The following TAFA5 variants were observed in gnomAD, a reference collection of about 807,000 sequenced individuals.
TAFA5 encodes the protein TAFA chemokine like family member 5.
In TAFA5, 6 loss-of-function variants were observed where a neutral mutation model predicts 15.3. The observed-to-expected ratio is 0.39, with a 90% CI of 0.21 to 0.77. The LOEUF is 0.77. Among genes scored for constraint, TAFA5 ranks in the 30% least tolerant of loss-of-function variants. The pLI is 0.41. For missense variants in TAFA5, 161 were observed against 193.1 expected (o/e 0.83, Z 0.98); for synonymous variants, 103 against 80.7 (o/e 1.28, Z -1.48).
chr22:48,748,169 G>A (rs1038923851), intron 3 of TAFA5, among the ~76,000 whole-genome samples: 8 of 152,230 alleles, frequency 5.3e-5, no homozygotes, highest in Non-Finnish European at 8.8e-5. Flanking sequence ...CGCAGGTGAA[G>A]CAGGCAGCTA....
At chr22:48,575,953 C>T (rs1923766428) in intron 1 of TAFA5, among the ~76,000 whole-genome samples, 1 of 132,454 alleles carries the variant, frequency 7.5e-6, no homozygotes, top group Non-Finnish European at 1.6e-5. Context: ...GCGGCGGCGG[C>T]GGAGGAAGAG....
chr22:48,741,644 G>A (rs1569101751), intron 3 of TAFA5, among the ~76,000 whole-genome samples: 1 of 152,214 alleles, frequency 6.6e-6, no homozygotes, highest in East Asian at 1.9e-4. Flanking sequence ...TCTAAGAAGA[G>A]GAGGTGAGGA....
intron 1 of TAFA5, chr22:48,576,280 CGCCCGCTCCCCTCCCCCCT>C: frequency 1.0e-6 from 1 of 954,804 alleles, no homozygotes; most frequent in Non-Finnish European, 1.3e-6. Context: ...CCCCTCCCCC[CGCCCGCTCCCCTCCCCCCT>C]GCCCAGAAAG....
intron 1 of TAFA5, among the ~76,000 whole-genome samples, chr22:48,628,557 T>C (rs976751516): frequency 1.3e-5 from 2 of 152,186 alleles, no homozygotes; most frequent in Non-Finnish European, 2.9e-5. Context: ...ACGGGTTTGC[T>C]CCCTGTGCAG....
At chr22:48,516,477 G>A (rs953702504) in intron 1 of TAFA5, among the ~76,000 whole-genome samples, 1 of 152,180 alleles carries the variant, frequency 6.6e-6, no homozygotes, top group Non-Finnish European at 1.5e-5. Flanking sequence ...GCTGCTGAAC[G>A]AAATGGGGGC....
intron 2 of TAFA5, among the ~76,000 whole-genome samples, chr22:48,680,273 C>T (rs1162440604): frequency 6.6e-6 from 1 of 152,222 alleles, no homozygotes; most frequent in Non-Finnish European, 1.5e-5. Context: ...CTGGCAGGAG[C>T]GTGTGCGTCC....
intron 2 of TAFA5, among the ~76,000 whole-genome samples, chr22:48,699,040 C>A (rs1928819574): frequency 6.7e-6 from 1 of 149,632 alleles, no homozygotes; most frequent in Admixed American, 6.7e-5. Flanking sequence ...TTCCCAGGTT[C>A]AAGTGATTCC....
At chr22:48,746,670 C>T (rs1009622347) in intron 3 of TAFA5, among the ~76,000 whole-genome samples, 1 of 152,174 alleles carries the variant, frequency 6.6e-6, no homozygotes, top group South Asian at 2.1e-4. Flanking sequence ...CATTCGGACC[C>T]GGGAGGTGTG....
chr22:48,687,380 A>G (rs1439805367), intron 2 of TAFA5, among the ~76,000 whole-genome samples: 2 of 137,100 alleles, frequency 1.5e-5, no homozygotes, highest in East Asian at 5.0e-4. Flanking sequence ...TGATGCATGG[A>G]TGGTAATGGA....
At chr22:48,495,086 A>G (rs1928279918) in intron 1 of TAFA5, among the ~76,000 whole-genome samples, 1 of 152,072 alleles carries the variant, frequency 6.6e-6, no homozygotes. Context: ...CCCCGCAGTG[A>G]TTCTCCCTGG....
intron 2 of TAFA5, among the ~76,000 whole-genome samples, chr22:48,669,783 C>T (rs1927741828): frequency 6.6e-6 from 1 of 152,328 alleles, no homozygotes; most frequent in East Asian, 1.9e-4. Context: ...CCATGTTGCC[C>T]ACTTGCCTGC....
chr22:48,616,186 G>A (rs956720486), intron 1 of TAFA5, among the ~76,000 whole-genome samples: 1 of 152,258 alleles, frequency 6.6e-6, no homozygotes, highest in South Asian at 2.1e-4. Flanking sequence ...TCAGCAGGGA[G>A]TGAGGGTCCC....
chr22:48,661,232 C>A (rs1927428005), intron 2 of TAFA5, among the ~76,000 whole-genome samples: 2 of 152,220 alleles, frequency 1.3e-5, no homozygotes, highest in South Asian at 4.1e-4. Flanking sequence ...CAGTGTCCCA[C>A]CAGAGCGCAG....
chr22:48,571,584 T>G (rs1327107446), intron 1 of TAFA5, among the ~76,000 whole-genome samples: 4 of 130,720 alleles, frequency 3.1e-5, no homozygotes, highest in Admixed American at 7.4e-5. Context: ...GTTTTTTTTT[T>G]TTTTTTTTTT....
intron 3 of TAFA5, among the ~76,000 whole-genome samples, chr22:48,746,705 A>C (rs1348421583): frequency 6.6e-6 from 1 of 152,120 alleles, no homozygotes; most frequent in Non-Finnish European, 1.5e-5. Context: ...GAGGGGTTCT[A>C]GCTTGGCCTC....
intron 1 of TAFA5, among the ~76,000 whole-genome samples, chr22:48,508,480 G>A (rs1206536512): frequency 6.6e-6 from 1 of 152,174 alleles, no homozygotes; most frequent in Non-Finnish European, 1.5e-5. Flanking sequence ...CATATGAGGA[G>A]GAGGAGAGAA....
chr22:48,506,722 G>T (rs569821258), intron 1 of TAFA5, among the ~76,000 whole-genome samples: 12 of 152,322 alleles, frequency 7.9e-5, no homozygotes, highest in African/African-American at 2.2e-4. Context: ...AGGGCACACG[G>T]CAAATGGACC....
chr22:48,532,002 C>T (rs771371755), intron 1 of TAFA5, among the ~76,000 whole-genome samples: 3 of 152,212 alleles, frequency 2.0e-5, no homozygotes, highest in Non-Finnish European at 2.9e-5. Context: ...GCTGAGCTCC[C>T]GTTTCCTGTC....
intron 1 of TAFA5, among the ~76,000 whole-genome samples, chr22:48,562,380 T>A (rs550218284): frequency 6.6e-6 from 1 of 152,186 alleles, no homozygotes; most frequent in Non-Finnish European, 1.5e-5. Context: ...CCTCGCGATC[T>A]GCCTGCCTCG....
Sources: gnomAD v4.1 joint callset for allele counts (sites outside exome capture counted in the v4.1 genomes callset) on GRCh38, gnomAD v4.1.1 for gene constraint, MANE v1.5 for transcripts, NCBI Gene and HGNC (gene_info 2026-07-23, HGNC 2026-07-21) for gene names.